The following GTF3C5 variants were observed in gnomAD, a reference collection of about 807,000 sequenced individuals.
The protein encoded by GTF3C5 is general transcription factor 3C polypeptide 5.
GTF3C5 carries 47 observed loss-of-function variants against 61.0 expected under a neutral mutation model. That is an observed-to-expected ratio of 0.77 (90% confidence interval 0.61 to 0.98). GTF3C5 has a LOEUF of 0.98. Ranked by LOEUF, GTF3C5 falls within the 50% of genes least tolerant of loss-of-function variation. The pLI, the probability that GTF3C5 is intolerant of heterozygous loss-of-function variation, is 0.00. For missense variants in GTF3C5, 659 were observed against 703.3 expected, an observed-to-expected ratio of 0.94 and a Z score of 0.71; for synonymous variants, 295 against 275.4, an observed-to-expected ratio of 1.07 and a Z score of -0.71.
intron 5 of GTF3C5, 91 bp downstream of exon 5, chr9:133,052,255 G>A (rs1850405693): frequency 5.9e-6 from 4 of 679,484 alleles, no homozygotes; most frequent in Non-Finnish European, 1.1e-5. Context: ...AGTAAGAGCA[G>A]CCAACCCCCT....
In GTF3C5 at chr9:133,050,946, G is replaced by A. The variant is rs564242923; in HGVS notation, c.736G>A (p.Val246Met). The change falls in exon 4 of 11, where the codon GTG becomes ATG. Residue 246 changes from valine to methionine, a missense_variant. Physicochemically the swap from Val to Met is conservative, Grantham distance 21. Coordinates refer to ENST00000372097, the MANE Select transcript of GTF3C5 (RefSeq NM_012087.4). ...QTWRRVCTNPVDRKVEEELRK... is the reference protein window; with the variant it reads ...QTWRRVCTNPMDRKVEEELRK... The stretch of plus-strand genomic sequence containing the variant: ...GTGGAGGAGAGTCTGCACTAACCCC[G>A]TGGACCGGAAGGTGGAGGAGGAGCT... The A allele has an allele frequency of 5.7e-5, 92 of 1,611,970 alleles. No individual in the cohort carries two copies. The highest frequency in any genetic ancestry group is 3.6e-4 in the South Asian group (33 of 90,864).
chr9:133,043,356 A>C (rs539835548), intron 2 of GTF3C5, among the ~76,000 whole-genome samples: 1 of 152,342 alleles, frequency 6.6e-6, no homozygotes, highest in Non-Finnish European at 1.5e-5. Flanking sequence ...CTTGGTAGAA[A>C]TGCACCAGGT....
intron 4 of GTF3C5, 130 bp from the exon 5 acceptor site, chr9:133,051,930 G>A (rs1460897091): frequency 1.1e-5 from 6 of 539,082 alleles, no homozygotes; most frequent in Admixed American, 3.6e-5. Flanking sequence ...CACGCCCTGT[G>A]TGTCCAGCCC....
chr9:133,033,208 C>T (rs1476883873), intron 1 of GTF3C5, among the ~76,000 whole-genome samples: 1 of 152,134 alleles, frequency 6.6e-6, no homozygotes, highest in Non-Finnish European at 1.5e-5. Flanking sequence ...AGGTACCCCT[C>T]GGGGAACTCC....
intron 3 of GTF3C5, 96 bp downstream of exon 3, chr9:133,044,022 G>C: frequency 1.2e-6 from 1 of 863,946 alleles, no homozygotes; most frequent in Non-Finnish European, 1.8e-6. Context: ...GTGCACACCT[G>C]TAATTCCAGC....
rs1033352281 is a variant in GTF3C5 at position 133,054,695 on chromosome 9, C to G, written c.1070-17C>G. 2 of 1,553,944 alleles carry G rather than the reference C, an allele frequency of 1.3e-6. No individual in the cohort carries two copies. Among genetic ancestry groups the G allele is most frequent in the African/African-American group, 2.7e-5 (2 of 73,656 alleles). On this transcript the variant is annotated splice_polypyrimidine_tract_variant and intron_variant, in intron 7 of 10. Transcript: ENST00000372097. ...CCCACCCTGCACATTCCAAGCACTG[C>G]TGTTGTCCCCACGCAGCCAGCCAGC... is the stretch of plus-strand genomic sequence containing the variant.
upstream of GTF3C5, chr9:133,030,994 C>T: frequency 6.2e-7 from 1 of 1,611,926 alleles, no homozygotes; most frequent in Non-Finnish European, 8.5e-7. Flanking sequence ...CCTGGCGGGC[C>T]CTGCCAGACG....
chr9:133,046,659 G>A lies in GTF3C5; in HGVS notation c.572+2733G>A, dbSNP rs72759502. On this transcript the variant is annotated intron_variant, in intron 3 of 10. Transcript: ENST00000372097. ...AGCAGCTGGGGTGCAGTGCAGGGGC[G>A]GGGAGCTAGACGGAGCATGAGTACA... is the stretch of plus-strand genomic sequence containing the variant. Among the ~76,000 whole-genome samples, 62 of 152,288 alleles carry A rather than the reference G, an allele frequency of 4.1e-4. No individual in the cohort carries two copies. In the Middle Eastern group the frequency reaches 0.017, roughly 42 times the overall value.
intron 1 of GTF3C5, among the ~76,000 whole-genome samples, chr9:133,038,096 CG>C (rs1849919295): frequency 1.3e-5 from 2 of 151,812 alleles, no homozygotes; most frequent in Admixed American, 1.3e-4. Context: ...AGAATAGTTT[CG>C]GCGGGAAGGG....
chr9:133,050,064 G>A (rs1850323606), intron 3 of GTF3C5, among the ~76,000 whole-genome samples: 1 of 152,038 alleles, frequency 6.6e-6, no homozygotes, highest in Non-Finnish European at 1.5e-5. Flanking sequence ...GAGGTTCTTT[G>A]TTCATTCATC....
At chr9:133,049,343 C>T (rs570946200) in intron 3 of GTF3C5, among the ~76,000 whole-genome samples, 118 of 152,316 alleles carry the variant, frequency 7.7e-4, no homozygotes, top group African/African-American at 2.7e-3. Flanking sequence ...CTGTCCCGTG[C>T]GGTTTCTAAC....
intron 8 of GTF3C5, chr9:133,055,150 A>G (rs566096444): frequency 4.1e-4 from 627 of 1,545,250 alleles, no homozygotes; most frequent in Non-Finnish European, 5.2e-4. Context: ...TTGGGCACAC[A>G]CAGGAGGACA....
rs779598015 is a variant in GTF3C5 at position 133,055,996 on chromosome 9, C to T, written c.1168-16C>T. Reference sequence around the variant, plus strand: ...TCTGGCTCACCTTCCCTGTCTCTCTCCCCCTTTGTCACCAGGACTCTGTCT... The same window carrying T: ...TCTGGCTCACCTTCCCTGTCTCTCTTCCCCTTTGTCACCAGGACTCTGTCT... On this transcript the variant is annotated splice_polypyrimidine_tract_variant and intron_variant, in intron 8 of 10. Transcript: ENST00000372097. 4.6e-5 allele frequency: 74 copies of T among 1,610,190 alleles called. No individual in the cohort carries two copies. Among genetic ancestry groups the T allele is most frequent in the Non-Finnish European group, 5.9e-5 (69 of 1,176,466 alleles).
intron 1 of GTF3C5, among the ~76,000 whole-genome samples, chr9:133,032,862 G>C (rs1849768099): frequency 6.6e-6 from 1 of 152,212 alleles, no homozygotes; most frequent in South Asian, 2.1e-4. Flanking sequence ...CTAGCTCATT[G>C]GATAAAGCAG....
chr9:133,036,583 T>C (rs1389986297), intron 1 of GTF3C5, among the ~76,000 whole-genome samples: 2 of 152,154 alleles, frequency 1.3e-5, no homozygotes, highest in Admixed American at 6.5e-5. Context: ...AAAGATGAGA[T>C]GGCTTTTCTA....
At chr9:133,030,980 G>A (rs1182975874), upstream of GTF3C5, 5 of 1,610,822 alleles carry the variant, frequency 3.1e-6, no homozygotes, top group African/African-American at 5.3e-5. Context: ...TTTGTGGGAC[G>A]GACCCTGGCG....
At chr9:133,051,903 G>A (rs1170932449) in intron 4 of GTF3C5, 157 bp from the exon 5 acceptor site, 4 of 495,634 alleles carry the variant, frequency 8.1e-6, no homozygotes, top group African/African-American at 2.0e-5. Flanking sequence ...ATTAGTGAGA[G>A]CAGGAGGTCC....
In GTF3C5 at chr9:133,058,244, G is replaced by T; in HGVS notation, c.*264G>T. Reference sequence around the variant, plus strand: ...CACCCATGAACCAGCCCAGCATCCAGCCAGTGAGTGGGCACCCAATGCCTC... The same window carrying T: ...CACCCATGAACCAGCCCAGCATCCATCCAGTGAGTGGGCACCCAATGCCTC... On this transcript the variant is annotated 3_prime_UTR_variant, in exon 11 of 11. Transcript: ENST00000372097. 1 of 1,029,386 alleles carries T rather than the reference G, an allele frequency of 9.7e-7. No homozygotes were observed. Among genetic ancestry groups the T allele is most frequent in the Non-Finnish European group, 1.2e-6 (1 of 800,278 alleles). The allele number at this position is 1,029,386 out of a possible 1,614,324, so 63.8% of individuals were successfully genotyped here. A position where few individuals can be genotyped will look rare whatever the true frequency, so the allele number is the denominator to read the frequency against.
chr9:133,031,250 AT>A, intron 1 of GTF3C5, 86 bp downstream of exon 1: 1 of 1,213,370 alleles, frequency 8.2e-7, no homozygotes, highest in Non-Finnish European at 1.1e-6. Flanking sequence ...AGCAAGGGAA[AT>A]TTAGCAAATT....
Sources: allele counts gnomAD v4.1 joint callset (sites outside exome capture counted in the v4.1 genomes callset), GRCh38; gene constraint gnomAD v4.1.1; transcripts MANE v1.5; gene names NCBI Gene and HGNC (gene_info 2026-07-23, HGNC 2026-07-21).